RARB: variants seen among roughly 807,000 people sequenced by gnomAD.
The protein encoded by RARB is retinoic acid receptor beta, also known as HBV-activated protein.
In RARB, 17 loss-of-function variants were observed where a neutral mutation model predicts 51.9. That is an observed-to-expected ratio of 0.33 (90% CI 0.22 to 0.49). The LOEUF (loss-of-function observed/expected upper bound fraction) is 0.49, where lower values mean the gene tolerates loss of function less well. RARB is among the 20% of genes least tolerant of loss of function. The probability of loss-of-function intolerance (pLI) is 0.99; values close to 1 mark genes in which losing one functional copy is unlikely to be tolerated. For missense variants in RARB, 369 were observed against 550.8 expected (o/e 0.67, Z 3.30); for synonymous variants, 215 against 195.4 (o/e 1.10, Z -0.84).
chr3:25,390,808 T>C (rs1249542841), intron 5 of RARB, among the ~76,000 whole-genome samples: 3 of 152,156 alleles, frequency 2.0e-5, no homozygotes, highest in African/African-American at 7.2e-5. Context: ...TCAGCTCTTA[T>C]TAGATGCCCA....
chr3:25,320,530 A>G (rs930217277), intron 5 of RARB, among the ~76,000 whole-genome samples: 10 of 152,166 alleles, frequency 6.6e-5, no homozygotes, highest in Non-Finnish European at 1.0e-4. Context: ...TCCCTGACCC[A>G]GGATTTCCAA....
chr3:25,579,686 A>G (rs572142966), intron 4 of RARB, among the ~76,000 whole-genome samples: 72 of 152,244 alleles, frequency 4.7e-4, no homozygotes, highest in African/African-American at 1.6e-3. Context: ...CTCTCTTGCA[A>G]TGTTCTTATT....
intron 3 of RARB, among the ~76,000 whole-genome samples, chr3:25,542,634 G>C (rs147931063): frequency 6.6e-6 from 1 of 152,188 alleles, no homozygotes; most frequent in Non-Finnish European, 1.5e-5. Context: ...TTTATGTAAC[G>C]AAGCTTTGCA....
intron 1 of RARB, among the ~76,000 whole-genome samples, chr3:25,432,189 A>G (rs1204574516): frequency 6.6e-6 from 1 of 152,236 alleles, no homozygotes; most frequent in African/African-American, 2.4e-5. Flanking sequence ...AAGATTCACA[A>G]AGTTTTCCTT....
chr3:25,113,053 G>T (rs1465667256), intron 3 of RARB, among the ~76,000 whole-genome samples: 1 of 152,098 alleles, frequency 6.6e-6, no homozygotes, highest in Non-Finnish European at 1.5e-5. Context: ...CTGACTTGCT[G>T]TTTATTTGGA....
intron 2 of RARB, among the ~76,000 whole-genome samples, chr3:24,971,884 TTA>T (rs1208246054): frequency 6.6e-6 from 1 of 152,006 alleles, no homozygotes; most frequent in East Asian, 1.9e-4. Context: ...TTTATTTTTG[TTA>T]TATTGATACA....
chr3:25,215,164 C>T (rs1330151736), intron 5 of RARB, among the ~76,000 whole-genome samples: 2 of 152,174 alleles, frequency 1.3e-5, no homozygotes, highest in East Asian at 1.9e-4. Flanking sequence ...GCTTCTGTTT[C>T]GTTTGGTTTT....
At chr3:25,236,612 C>T (rs910026119) in intron 5 of RARB, among the ~76,000 whole-genome samples, 2 of 152,038 alleles carry the variant, frequency 1.3e-5, no homozygotes, top group African/African-American at 2.4e-5. Flanking sequence ...CTTCACTATG[C>T]ACTTTAATGC....
At position 25,305,200 on chromosome 3, in the gene RARB, C is replaced by G. The variant is rs1704126924; in HGVS notation, c.178+130625C>G. 2.0e-5 allele frequency among the ~76,000 whole-genome samples: 3 copies of G among 152,062 alleles called. No homozygotes were observed. In the South Asian group the frequency reaches 6.2e-4, roughly 32 times the overall value. ...AATTTAAAACACTTCAGTAAGGAGC[C>G]CAGTACTCTATTTGTTTTCTTCTGT... On this transcript the variant is annotated intron_variant, in intron 5 of 11. Coordinates refer to the RARB transcript ENST00000383772.
intron 2 of RARB, among the ~76,000 whole-genome samples, chr3:25,493,498 A>C (rs1559432661): frequency 1.3e-5 from 2 of 152,216 alleles, no homozygotes; most frequent in South Asian, 4.1e-4. Context: ...GCCTGGGGTC[A>C]CACTGCACAG....
At chr3:25,020,829 C>T (rs752093974) in intron 2 of RARB, among the ~76,000 whole-genome samples, 9 of 152,008 alleles carry the variant, frequency 5.9e-5, no homozygotes, top group East Asian at 3.9e-4. Flanking sequence ...AGTAACTGGG[C>T]GTGGTGGCAC....
At chr3:24,895,165 C>A (rs1703452637) in intron 2 of RARB, among the ~76,000 whole-genome samples, 1 of 152,176 alleles carries the variant, frequency 6.6e-6, no homozygotes, top group South Asian at 2.1e-4. Flanking sequence ...ATGATATAAT[C>A]TCTATTTCTT....
At chr3:24,830,466 G>C (rs915650944) in intron 1 of RARB, among the ~76,000 whole-genome samples, 7 of 111,752 alleles carry the variant, frequency 6.3e-5, no homozygotes, top group African/African-American at 2.2e-4. Context: ...CCGTGGCTAA[G>C]GATGCTCGGG....
chr3:25,406,829 A>T (rs1409267927), intron 5 of RARB, among the ~76,000 whole-genome samples: 7 of 152,180 alleles, frequency 4.6e-5, no homozygotes, highest in Admixed American at 4.6e-4. Context: ...GCTTGTGCTC[A>T]CGTATTTTAC....
chr3:24,934,135 T>C (rs761995180), intron 2 of RARB, among the ~76,000 whole-genome samples: 1 of 152,112 alleles, frequency 6.6e-6, no homozygotes, highest in Non-Finnish European at 1.5e-5. Context: ...TGAGGTTTTG[T>C]GTTCATCATG....
At chr3:25,400,876 TATAAATATAAAATAAAAC>T (rs1368261074) in intron 5 of RARB, among the ~76,000 whole-genome samples, 2 of 151,488 alleles carry the variant, frequency 1.3e-5, no homozygotes, top group Non-Finnish European at 2.9e-5. Context: ...TAAAATAAAA[TATAAATATAAAATAAAAC>T]TAAAATATAA....
chr3:25,436,901 A>G (rs955205542), intron 1 of RARB, among the ~76,000 whole-genome samples: 2 of 152,174 alleles, frequency 1.3e-5, no homozygotes, highest in Non-Finnish European at 2.9e-5. Flanking sequence ...CTGATGGTCC[A>G]AGATAATGCA....
chr3:25,565,151 G>T (rs974052264), intron 3 of RARB, among the ~76,000 whole-genome samples: 3 of 152,156 alleles, frequency 2.0e-5, no homozygotes, highest in African/African-American at 7.2e-5. Context: ...TGTACATGGG[G>T]TAGACTCAGA....
At chr3:25,237,167 A>T (rs1227795011) in intron 5 of RARB, among the ~76,000 whole-genome samples, 1 of 152,088 alleles carries the variant, frequency 6.6e-6, no homozygotes, top group Admixed American at 6.5e-5. Context: ...CTCAAAACAG[A>T]GGAATTCCAT....
Sources: allele counts gnomAD v4.1 joint callset (sites outside exome capture counted in the v4.1 genomes callset), GRCh38; gene constraint gnomAD v4.1.1; transcripts MANE v1.5; gene names NCBI Gene and HGNC (gene_info 2026-07-23, HGNC 2026-07-21).